Variants in PTPRD observed in about 807,000 individuals in gnomAD.
PTPRD encodes the protein protein tyrosine phosphatase receptor type D.
PTPRD carries 34 observed loss-of-function variants against 214.5 expected under a neutral mutation model. The ratio of observed to expected loss-of-function variants is 0.16; its 90% CI spans 0.12 to 0.21. PTPRD has a LOEUF of 0.21. PTPRD is among the 10% of genes least tolerant of loss of function. The pLI is 1.00. For missense variants in PTPRD, 2,545 were observed against 2,398.7 expected (o/e 1.06, Z -1.27); for synonymous variants, 1,128 against 845.7 (o/e 1.33, Z -5.79).
intron 12 of PTPRD, among the ~76,000 whole-genome samples, chr9:8,726,046 C>T (rs1033354079): frequency 6.7e-6 from 1 of 148,880 alleles, no homozygotes; most frequent in African/African-American, 2.5e-5. Context: ...CACACACACA[C>T]ACACACACAC....
intron 5 of PTPRD, among the ~76,000 whole-genome samples, chr9:9,926,832 T>C (rs888189835): frequency 1.3e-5 from 2 of 152,182 alleles, no homozygotes; most frequent in Non-Finnish European, 2.9e-5. Context: ...ATAAAATTTG[T>C]ATTTTAAGCT....
At chr9:9,288,536 T>G (rs903677312) in intron 9 of PTPRD, among the ~76,000 whole-genome samples, 2 of 151,900 alleles carry the variant, frequency 1.3e-5, no homozygotes, top group Non-Finnish European at 2.9e-5. Context: ...AAAAAATATT[T>G]AAAAACAGAA....
intron 11 of PTPRD, among the ~76,000 whole-genome samples, chr9:8,762,392 A>G (rs1311960066): frequency 6.6e-6 from 1 of 152,230 alleles, no homozygotes; most frequent in Non-Finnish European, 1.5e-5. Flanking sequence ...TAAAGCATGC[A>G]GAAGTCAGCT....
intron 11 of PTPRD, among the ~76,000 whole-genome samples, chr9:8,841,022 G>A (rs1224133855): frequency 1.3e-5 from 2 of 152,300 alleles, no homozygotes; most frequent in East Asian, 3.9e-4. Context: ...GTTATGACCT[G>A]GAGTGCTGTA....
At chr9:10,123,323 G>A (rs1260052995) in intron 3 of PTPRD, among the ~76,000 whole-genome samples, 1 of 152,178 alleles carries the variant, frequency 6.6e-6, no homozygotes, top group Non-Finnish European at 1.5e-5. Context: ...GTTAGTGTGT[G>A]AACTTGTGAG....
chr9:10,209,007 A>C (rs982793488), intron 3 of PTPRD, among the ~76,000 whole-genome samples: 1 of 152,214 alleles, frequency 6.6e-6, no homozygotes, highest in South Asian at 2.1e-4. Flanking sequence ...TTTGAACACT[A>C]CTTGGTTTGG....
intron 35 of PTPRD, among the ~76,000 whole-genome samples, chr9:8,412,649 A>G (rs548521958): frequency 3.9e-5 from 6 of 152,328 alleles, no homozygotes; most frequent in African/African-American, 1.4e-4. Flanking sequence ...GTATAAGAAC[A>G]TCCCTGATAG....
In PTPRD at chr9:8,610,781, C is replaced by T. The variant is rs114051801; in HGVS notation, c.352+22536G>A. On this transcript the variant is annotated intron_variant, in intron 14 of 45. Coordinates refer to ENST00000381196, the MANE Select transcript of PTPRD (RefSeq NM_002839.4). ...TTATTCTACTTAGTTTTTAGAAGAG[C>T]TTTAATTTCCTGGCACTTTTTATTT... Among the ~76,000 whole-genome samples the T allele has an allele frequency of 5.4e-3, 818 of 152,304 alleles. 14 individuals are homozygous for T. The highest frequency in any genetic ancestry group is 0.019 in the African/African-American group (785 of 41,564).
At chr9:10,041,559 G>A (rs1047560967) in intron 3 of PTPRD, among the ~76,000 whole-genome samples, 5 of 151,472 alleles carry the variant, frequency 3.3e-5, no homozygotes, top group African/African-American at 9.7e-5. Context: ...TGGAGAAGGT[G>A]CAAAATCCTT....
At chr9:9,038,264 T>A (rs2099628169) in intron 10 of PTPRD, among the ~76,000 whole-genome samples, 1 of 152,132 alleles carries the variant, frequency 6.6e-6, no homozygotes, top group South Asian at 2.1e-4. Flanking sequence ...TTAAGGAGCA[T>A]GAGCCCAGAT....
chr9:8,775,416 ACT>A (rs2095431037), intron 11 of PTPRD, among the ~76,000 whole-genome samples: 1 of 152,022 alleles, frequency 6.6e-6, no homozygotes, highest in African/African-American at 2.4e-5. Context: ...ATAACTTTGA[ACT>A]CTCTGCATAA....
intron 8 of PTPRD, among the ~76,000 whole-genome samples, chr9:9,523,950 T>C (rs2097057470): frequency 6.6e-6 from 1 of 152,166 alleles, no homozygotes; most frequent in Non-Finnish European, 1.5e-5. Flanking sequence ...GCAGGTGACC[T>C]AAGATGGGCC....
At chr9:9,276,277 C>A (rs1015134815) in intron 9 of PTPRD, among the ~76,000 whole-genome samples, 1 of 151,346 alleles carries the variant, frequency 6.6e-6, no homozygotes, top group Non-Finnish European at 1.5e-5. Flanking sequence ...CTGTTTGATT[C>A]TTTAACTAAG....
At chr9:8,480,743 T>C (rs2096864102) in intron 30 of PTPRD, among the ~76,000 whole-genome samples, 1 of 152,156 alleles carries the variant, frequency 6.6e-6, no homozygotes, top group Admixed American at 6.5e-5. Flanking sequence ...TAATAAACAT[T>C]CAGAATGAAT....
intron 7 of PTPRD, among the ~76,000 whole-genome samples, chr9:9,675,811 T>G: frequency 6.6e-6 from 1 of 152,106 alleles, no homozygotes; most frequent in East Asian, 1.9e-4. Context: ...TCAATCTAAC[T>G]TTAATATAAA....
At chr9:10,120,917 G>C (rs1269433174) in intron 3 of PTPRD, among the ~76,000 whole-genome samples, 1 of 151,892 alleles carries the variant, frequency 6.6e-6, no homozygotes, top group Non-Finnish European at 1.5e-5. Flanking sequence ...AGAAAAAATA[G>C]ACAAAGCTCA....
At chr9:9,549,579 T>C (rs1335254329) in intron 8 of PTPRD, among the ~76,000 whole-genome samples, 1 of 152,094 alleles carries the variant, frequency 6.6e-6, no homozygotes, top group African/African-American at 2.4e-5. Flanking sequence ...AGCAATTCCA[T>C]GCCTCGTTAT....
chr9:9,001,211 G>A (rs2099416959), intron 11 of PTPRD, among the ~76,000 whole-genome samples: 1 of 151,970 alleles, frequency 6.6e-6, no homozygotes, highest in African/African-American at 2.4e-5. Flanking sequence ...AGGTCCTGGG[G>A]TTGCAGCAAT....
In PTPRD at chr9:10,321,201, C is replaced by T. The variant is rs556368548; in HGVS notation, c.-545+19762G>A. On this transcript the variant is annotated intron_variant, in intron 3 of 45. Coordinates refer to ENST00000381196, the MANE Select transcript of PTPRD (RefSeq NM_002839.4). ...ATCATTTATAATGATAATAACTACT[C>T]CAAAGGGGAAAAAAAACAATGAGAA... 7.2e-5 allele frequency among the ~76,000 whole-genome samples: 11 copies of T among 151,962 alleles called. No homozygotes were observed. In the East Asian group the frequency reaches 1.9e-3, roughly 27 times the overall value.
Sources: gnomAD v4.1 joint callset for allele counts (sites outside exome capture counted in the v4.1 genomes callset) on GRCh38, gnomAD v4.1.1 for gene constraint, MANE v1.5 for transcripts, NCBI Gene and HGNC (gene_info 2026-07-23, HGNC 2026-07-21) for gene names.